The following SFXN5 variants were observed in gnomAD, a reference collection of about 807,000 sequenced individuals.
SFXN5 encodes the protein sideroflexin 5, also known as sideroflexin-5.
Under a neutral mutation model 50.2 loss-of-function variants are expected in SFXN5, and 43 were observed. The observed-to-expected ratio is 0.86, with a 90% CI of 0.67 to 1.11. The LOEUF (loss-of-function observed/expected upper bound fraction) is 1.11, where lower values mean the gene tolerates loss of function less well. Among genes scored for constraint, SFXN5 ranks in the 50% least tolerant of loss-of-function variants. The probability of loss-of-function intolerance (pLI) is 0.00; values close to 1 mark genes in which losing one functional copy is unlikely to be tolerated. For missense variants in SFXN5, 463 were observed against 454.1 expected (o/e 1.02, Z -0.18); for synonymous variants, 203 against 185.8 (o/e 1.09, Z -0.75).
chr2:72,999,131 G>A (rs1392078089), intron 8 of SFXN5, 117 bp from the exon 9 acceptor site: 24 of 1,026,028 alleles, frequency 2.3e-5, no homozygotes, highest in African/African-American at 3.2e-5. Flanking sequence ...AAAGTGGGTA[G>A]AAGGAAGAGG....
chr2:72,966,335 A>G (rs995385186), intron 12 of SFXN5, among the ~76,000 whole-genome samples: 9 of 152,236 alleles, frequency 5.9e-5, no homozygotes, highest in African/African-American at 2.2e-4. Flanking sequence ...TTCAAGACTC[A>G]GCAATCTCAA....
chr2:73,043,754 CA>C (rs1679948015), intron 2 of SFXN5, among the ~76,000 whole-genome samples: 14 of 152,114 alleles, frequency 9.2e-5, no homozygotes, highest in Admixed American at 9.2e-4. Flanking sequence ...AATATCAGAA[CA>C]AAAAATGGAA....
intron 2 of SFXN5, among the ~76,000 whole-genome samples, chr2:73,055,603 T>C (rs935707704): frequency 4.0e-5 from 6 of 148,376 alleles, no homozygotes; most frequent in Non-Finnish European, 6.0e-5. Context: ...TTTTTCTTTT[T>C]TTTTTTTTTT....
intron 2 of SFXN5, among the ~76,000 whole-genome samples, chr2:73,056,511 C>T (rs1682147959): frequency 6.6e-6 from 1 of 151,622 alleles, no homozygotes; most frequent in African/African-American, 2.4e-5. Flanking sequence ...CATGGAGAAA[C>T]CCCATCTCTA....
intron 6 of SFXN5, among the ~76,000 whole-genome samples, chr2:73,014,760 T>C (rs1675944862): frequency 6.6e-6 from 1 of 152,208 alleles, no homozygotes; most frequent in Admixed American, 6.5e-5. Context: ...TTGTCTAAAA[T>C]ACTATTGTAA....
intron 12 of SFXN5, among the ~76,000 whole-genome samples, chr2:72,966,590 G>C (rs754355830): frequency 3.3e-5 from 5 of 152,102 alleles, no homozygotes; most frequent in Non-Finnish European, 5.9e-5. Flanking sequence ...CCTCTTCTAG[G>C]GTGAGAGAGG....
intron 9 of SFXN5, among the ~76,000 whole-genome samples, chr2:72,990,944 A>C (rs1048524895): frequency 6.6e-6 from 1 of 152,184 alleles, no homozygotes; most frequent in Non-Finnish European, 1.5e-5. Context: ...CCCTTGAACC[A>C]TCCCTGCCCC....
intron 10 of SFXN5, among the ~76,000 whole-genome samples, chr2:72,984,359 C>T (rs1409465632): frequency 6.6e-6 from 1 of 152,250 alleles, no homozygotes; most frequent in Non-Finnish European, 1.5e-5. Flanking sequence ...GGCGTGTGCA[C>T]ACACACACTC....
At chr2:72,952,526 G>A (rs1249517347) in intron 13 of SFXN5, among the ~76,000 whole-genome samples, 1 of 152,176 alleles carries the variant, frequency 6.6e-6, no homozygotes, top group Non-Finnish European at 1.5e-5. Flanking sequence ...TGCCTCGTGG[G>A]CAAGAATCCT....
chr2:73,035,020 C>T (rs1295074731), intron 3 of SFXN5, among the ~76,000 whole-genome samples: 1 of 152,214 alleles, frequency 6.6e-6, no homozygotes, highest in African/African-American at 2.4e-5. Flanking sequence ...TGCCCCACCA[C>T]ATACTAGCTA....
chr2:73,056,355 C>A (rs1291322951), intron 2 of SFXN5, among the ~76,000 whole-genome samples: 1 of 150,806 alleles, frequency 6.6e-6, no homozygotes, highest in Non-Finnish European at 1.5e-5. Context: ...ACACTCCAGC[C>A]TGGGGGACAA....
intron 12 of SFXN5, among the ~76,000 whole-genome samples, chr2:72,966,112 C>A (rs995437644): frequency 6.6e-6 from 1 of 152,168 alleles, no homozygotes; most frequent in African/African-American, 2.4e-5. Context: ...TGATGTGGTA[C>A]GTGGGTGGAC....
intron 3 of SFXN5, among the ~76,000 whole-genome samples, chr2:73,028,827 A>G (rs1358814438): frequency 6.6e-6 from 1 of 152,220 alleles, no homozygotes; most frequent in African/African-American, 2.4e-5. Context: ...ACACTCTAGC[A>G]TCTTCAGAGC....
At chr2:72,962,411 T>C (rs2105390650) in intron 12 of SFXN5, among the ~76,000 whole-genome samples, 1 of 152,374 alleles carries the variant, frequency 6.6e-6, no homozygotes, top group African/African-American at 2.4e-5. Flanking sequence ...CAACTGGCCC[T>C]GAGAAGACAG....
At chr2:73,030,368 T>TAC (rs1678150522) in intron 3 of SFXN5, among the ~76,000 whole-genome samples, 1 of 152,162 alleles carries the variant, frequency 6.6e-6, no homozygotes, top group Non-Finnish European at 1.5e-5. Flanking sequence ...TGTATATATA[T>TAC]ACACATATAT....
intron 10 of SFXN5, among the ~76,000 whole-genome samples, chr2:72,975,478 G>A (rs571221463): frequency 8.0e-4 from 122 of 152,306 alleles, no homozygotes; most frequent in African/African-American, 2.9e-3. Context: ...TTTAAACACA[G>A]ACATGCAGCA....
intron 5 of SFXN5, among the ~76,000 whole-genome samples, chr2:73,020,595 G>C (rs569128188): frequency 6.6e-6 from 1 of 152,306 alleles, no homozygotes; most frequent in Admixed American, 6.5e-5. Context: ...TTTCCTGCGA[G>C]GCACGACACA....
intron 10 of SFXN5, among the ~76,000 whole-genome samples, chr2:72,984,557 T>A: frequency 6.6e-6 from 1 of 152,290 alleles, no homozygotes; most frequent in African/African-American, 2.4e-5. Context: ...GTATCACTTT[T>A]AGCAAGTCTG....
intron 1 of SFXN5, chr2:73,059,796 T>C (rs2106039936): frequency 1.0e-6 from 1 of 976,212 alleles, no homozygotes. Flanking sequence ...TAAGGGAGGC[T>C]CACAATGCTG....
Sources: allele counts gnomAD v4.1 joint callset (sites outside exome capture counted in the v4.1 genomes callset), GRCh38; gene constraint gnomAD v4.1.1; transcripts MANE v1.5; gene names NCBI Gene and HGNC (gene_info 2026-07-23, HGNC 2026-07-21).